The following TAF7L variants were observed in gnomAD, a reference collection of about 807,000 sequenced individuals.
TAF7L encodes TATA-box binding protein associated factor 7 like, also known as transcription initiation factor TFIID subunit 7-like.
In TAF7L, 6 loss-of-function variants were observed where a neutral mutation model predicts 30.2. That is an observed-to-expected ratio of 0.20 (90% CI 0.11 to 0.39). TAF7L has a LOEUF of 0.39. Ranked by LOEUF, TAF7L falls within the 10% of genes least tolerant of loss-of-function variation. The pLI, the probability that TAF7L is intolerant of heterozygous loss-of-function variation, is 1.00. For synonymous variants in TAF7L, 93 were observed against 94.5 expected (o/e 0.98, Z 0.09); for missense variants, 284 against 277.1 (o/e 1.03, Z -0.18).
At chrX:101,279,737 T>C (rs1213380649) in intron 6 of TAF7L, among the ~76,000 whole-genome samples, 4 of 111,914 alleles carry the variant, frequency 3.6e-5, no homozygotes, top group African/African-American at 1.3e-4. Flanking sequence ...ACCAATTATA[T>C]AGCGACACTG....
intron 5 of TAF7L, among the ~76,000 whole-genome samples, chrX:101,282,004 G>C (rs868261219): frequency 6.5e-5 from 7 of 107,711 alleles, no homozygotes; most frequent in African/African-American, 2.4e-4. Flanking sequence ...TCCTGCCTCA[G>C]CCTCCCGAGT....
At position 101,282,340 on chromosome X, in the gene TAF7L, G is replaced by C; in HGVS notation, c.393C>G (p.Val131=). ...KKERGREEKC[V]WKHGITPPLK... ...CTGGTGACTTACTGCCATGCTTCCA[G>C]ACACATTTTTCTTCTCTCCCCCTTT... The change falls in exon 5 of 13, where the codon GTC becomes GTG. Residue 131 remains valine (V), a synonymous_variant. Transcript: ENST00000356784. 8.3e-7 allele frequency: 1 copy of C among 1,211,318 alleles called. No homozygotes were observed. Among genetic ancestry groups the C allele is most frequent in the Non-Finnish European group, 1.1e-6 (1 of 895,259 alleles).
At position 101,276,462 on chromosome X, in the gene TAF7L, T is replaced by A; in HGVS notation, c.758A>T (p.Asp253Val). The A allele has an allele frequency of 6.6e-6, 8 of 1,206,949 alleles. No homozygotes were observed. Among genetic ancestry groups the A allele is most frequent in the Non-Finnish European group, 9.0e-6 (8 of 891,931 alleles). The change falls in exon 10 of 13, where the codon GAT becomes GTT. Residue 253 changes from aspartate (D) to valine (V), a missense_variant. Coordinates refer to ENST00000356784, the MANE Select transcript of TAF7L (RefSeq NM_001168474.2). The stretch of plus-strand genomic sequence containing the variant: ...CTCATCCTCATCCTCATCTTCATCA[T>A]CCTCATCCTCATCATCATCATTGTT... ...RSNNDDDEDE[D>V]DEDEDEDEDE...
intron 3 of TAF7L, among the ~76,000 whole-genome samples, chrX:101,285,387 A>G (rs770828701): frequency 9.4e-5 from 10 of 106,537 alleles, no homozygotes; most frequent in African/African-American, 3.4e-4. Flanking sequence ...AGTCCCAGCT[A>G]CTCGGAAGGC....
chrX:101,288,132 A>G (rs1924670868), intron 1 of TAF7L, among the ~76,000 whole-genome samples: 1 of 109,017 alleles, frequency 9.2e-6, no homozygotes, highest in Admixed American at 9.8e-5. Context: ...GGGAAAAGTT[A>G]GGAGTCCAGT....
chrX:101,285,613 T>A (rs868670505), intron 3 of TAF7L, among the ~76,000 whole-genome samples: 1 of 103,157 alleles, frequency 9.7e-6, no homozygotes, highest in Non-Finnish European at 2.0e-5. Flanking sequence ...TTTTTTTTTT[T>A]AATAAAAGCC....
At chrX:101,291,621 C>A (rs1445372684), upstream of TAF7L, among the ~76,000 whole-genome samples, 2 of 111,638 alleles carry the variant, frequency 1.8e-5, no homozygotes, top group Non-Finnish European at 3.8e-5. Flanking sequence ...AATCCCAGTA[C>A]TTTGGGAGGC....
In TAF7L at chrX:101,276,416, GTCT is replaced by G. The variant is rs752038267; in HGVS notation, c.801_803del (p.Glu267del). 2 of 1,202,649 alleles carry G rather than the reference GTCT, an allele frequency of 1.7e-6. No homozygotes were observed. Among genetic ancestry groups the G allele is most frequent in the East Asian group, 5.9e-5 (2 of 33,736 alleles). ...AACAATCTTCCTCCTCCTCTTCTTT[GTCT>G]TCATCTTCATCCTCATCCTCATCCT... On this transcript the variant is annotated inframe_deletion, in exon 10 of 13. Transcript: ENST00000356784.
chrX:101,274,554 T>G (rs1473719539), intron 12 of TAF7L, among the ~76,000 whole-genome samples: 1 of 111,020 alleles, frequency 9.0e-6, no homozygotes, highest in Non-Finnish European at 1.9e-5. Context: ...CTGTACACAT[T>G]AGGTGAATTG....
rs1185446820 is a variant in TAF7L, at chrX:101,287,459, C to T, written c.66+19G>A. 1.8e-6 allele frequency: 2 copies of T among 1,129,952 alleles called. No individual in the cohort carries two copies. Among genetic ancestry groups the T allele is most frequent in the African/African-American group, 3.6e-5 (2 of 55,388 alleles). 93.1% of individuals were successfully genotyped at this position (1,129,952 alleles called of 1,213,427 possible). A position where few individuals can be genotyped will look rare whatever the true frequency, so the allele number is the denominator to read the frequency against. On this transcript the variant is annotated intron_variant, in intron 2 of 12. Coordinates refer to ENST00000356784, the MANE Select transcript of TAF7L (RefSeq NM_001168474.2). ...AACTATAATTATGAAGATATTTGTTCTGAGATACAAGTTCTTACCAGAGGC... is the reference window on the plus strand; with the variant it reads ...AACTATAATTATGAAGATATTTGTTTTGAGATACAAGTTCTTACCAGAGGC...
In TAF7L at chrX:101,291,307, GGCTCCCGCGCGGAA is replaced by G. The variant is rs1214500387; in HGVS notation, c.-100_-87del. 4 of 752,429 alleles carry G rather than the reference GGCTCCCGCGCGGAA, an allele frequency of 5.3e-6. No individual in the cohort carries two copies. In the African/African-American group the frequency reaches 9.2e-5, roughly 17 times the overall value. The allele number at this position is 752,429 out of a possible 1,213,427, so 62.0% of individuals were successfully genotyped here. A position where few individuals can be genotyped will look rare whatever the true frequency, so the allele number is the denominator to read the frequency against. On this transcript the variant is annotated 5_prime_UTR_variant, in exon 1 of 13. Transcript: ENST00000356784. ...GTGGGTTCCGGACGAACCGCGCGTG[GGCTCCCGCGCGGAA>G]CGTAGAGGCGAACGCTGGGCTGCCG...
chrX:101,286,670 T>C lies in TAF7L; in HGVS notation c.67-17A>G, dbSNP rs779699071. 5.4e-5 allele frequency: 63 copies of C among 1,159,135 alleles called. No homozygotes were observed. The highest frequency in any genetic ancestry group is 4.5e-4 in the East Asian group (15 of 33,506). On this transcript the variant is annotated splice_polypyrimidine_tract_variant and intron_variant, in intron 2 of 12. Transcript: ENST00000356784. ...AGCATGTTCCTAAAAAGGAGGTAAA[T>C]TGAAAAATCAGAAGAACTAAACATC...
At chrX:101,270,732 GCT>G (rs756639329) in intron 12 of TAF7L, among the ~76,000 whole-genome samples, 1 of 111,351 alleles carries the variant, frequency 9.0e-6, no homozygotes, top group African/African-American at 3.3e-5. Context: ...CAATTGTTAA[GCT>G]CTGTTTGCTT....
At position 101,283,430 on chromosome X, in the gene TAF7L, T is replaced by C. The variant is rs149818140; in HGVS notation, c.279+20A>G. ...AATTCCTTGAAGGATGTGAGGCTAG[T>C]AAAGAAAACTAGTCCATACCTGAGA... is the stretch of plus-strand genomic sequence containing the variant. On this transcript the variant is annotated intron_variant, in intron 4 of 12. Coordinates refer to ENST00000356784, the MANE Select transcript of TAF7L (RefSeq NM_001168474.2). 3.6e-4 allele frequency: 431 copies of C among 1,202,769 alleles called. 3 individuals carry two copies. In the African/African-American group the frequency reaches 6.4e-3, roughly 18 times the overall value.
chrX:101,292,388 G>A (rs1457048348), upstream of TAF7L, among the ~76,000 whole-genome samples: 1 of 97,159 alleles, frequency 1.0e-5, no homozygotes, highest in Non-Finnish European at 2.0e-5. Flanking sequence ...ATAGTGAGCC[G>A]AGATCGTGCC....
At chrX:101,283,202 T>C (rs377152680) in intron 4 of TAF7L, among the ~76,000 whole-genome samples, 148 of 111,786 alleles carry the variant, frequency 1.3e-3, no homozygotes, top group African/African-American at 4.6e-3. Context: ...TATGTTTCAA[T>C]TAATGAAAAG....
At chrX:101,291,432 C>T (rs978131957), upstream of TAF7L, 3 of 276,562 alleles carry the variant, frequency 1.1e-5, no homozygotes, top group Non-Finnish European at 1.5e-5. Flanking sequence ...GACTGGAGCA[C>T]GACTTCGAGG....
upstream of TAF7L, among the ~76,000 whole-genome samples, chrX:101,292,612 G>A (rs1924864676): frequency 9.1e-6 from 1 of 109,900 alleles, no homozygotes. Flanking sequence ...ACGATCGGTT[G>A]CTCCCCTCTC....
In TAF7L at chrX:101,268,871, G is replaced by A. The variant is rs188675859; in HGVS notation, c.*322C>T. On this transcript the variant is annotated 3_prime_UTR_variant, in exon 13 of 13. Transcript: ENST00000356784. The stretch of plus-strand genomic sequence containing the variant: ...TCCCAGCTACTCAGGAGGCTGAGGC[G>A]GAAGGATCCCTTAAGCCCAGGAGTC... 31 of 182,868 alleles carry A rather than the reference G, an allele frequency of 1.7e-4. No homozygotes were observed. The East Asian group carries it at 2.4e-3, about 14-fold the overall frequency. The allele number at this position is 182,868 out of a possible 1,213,427, so 15.1% of individuals were successfully genotyped here. A position where few individuals can be genotyped will look rare whatever the true frequency, so the allele number is the denominator to read the frequency against.
Sources: gnomAD v4.1 joint callset for allele counts (sites outside exome capture counted in the v4.1 genomes callset) on GRCh38, gnomAD v4.1.1 for gene constraint, MANE v1.5 for transcripts, NCBI Gene and HGNC (gene_info 2026-07-23, HGNC 2026-07-21) for gene names.